Variants in AOAH observed in about 807,000 individuals in gnomAD.
The protein encoded by AOAH is acyloxyacyl hydrolase, also known as acyloxyacyl hydrolase (neutrophil).
A neutral mutation model predicts 92.2 loss-of-function variants in AOAH; 64 were observed. The ratio of observed to expected loss-of-function variants is 0.69; its 90% CI spans 0.57 to 0.86. The LOEUF (loss-of-function observed/expected upper bound fraction) is 0.86. AOAH is among the 40% of genes least tolerant of loss of function. The pLI, the probability that AOAH is intolerant of heterozygous loss-of-function variation, is 0.00. For synonymous variants in AOAH, 263 were observed against 254.5 expected (o/e 1.03, Z -0.32); for missense variants, 656 against 694.6 (o/e 0.94, Z 0.62).
intron 20 of AOAH, among the ~76,000 whole-genome samples, chr7:36,517,797 C>T (rs954452883): frequency 6.6e-6 from 1 of 151,674 alleles, no homozygotes; most frequent in Admixed American, 6.6e-5. Context: ...GATGGGGTTT[C>T]ACCATTATGG....
At chr7:36,517,931 CCACACACACACACCCACACACA>C (rs1562855011) in intron 20 of AOAH, among the ~76,000 whole-genome samples, 18 of 87,858 alleles carry the variant, frequency 2.0e-4, no homozygotes, top group East Asian at 5.3e-4. Context: ...ACACACACAC[CCACACACACACACCCACACACA>C]CACACACACA....
intron 20 of AOAH, among the ~76,000 whole-genome samples, chr7:36,513,930 TTTG>T (rs1790190513): frequency 6.6e-6 from 1 of 152,080 alleles, no homozygotes. Context: ...GTGTATGGAA[TTTG>T]TTTTTTCAGT....
At chr7:36,530,567 G>T in intron 18 of AOAH, 53 bp from the exon 19 acceptor site, 2 of 1,214,916 alleles carry the variant, frequency 1.6e-6, no homozygotes, top group Non-Finnish European at 2.4e-6. Context: ...TTTGGCTTTA[G>T]TGAGACAATT....
chr7:36,517,226 G>C (rs55933702), intron 20 of AOAH, among the ~76,000 whole-genome samples: 23 of 121,474 alleles, frequency 1.9e-4, no homozygotes, highest in South Asian at 2.7e-4. Flanking sequence ...CTTTCTTTCT[G>C]TCTCTCTCTC....
intron 4 of AOAH, among the ~76,000 whole-genome samples, chr7:36,654,473 T>C (rs1794763177): frequency 6.6e-6 from 1 of 152,168 alleles, no homozygotes; most frequent in Non-Finnish European, 1.5e-5. Context: ...TCAGGTGGGC[T>C]GTAGATGATG....
chr7:36,521,460 C>T (rs757526341), intron 20 of AOAH, among the ~76,000 whole-genome samples: 9 of 152,170 alleles, frequency 5.9e-5, no homozygotes, highest in Non-Finnish European at 1.3e-4. Context: ...GGACAGAGTC[C>T]CACCCTCTGG....
intron 20 of AOAH, among the ~76,000 whole-genome samples, chr7:36,517,934 CACACACACACCCA>C (rs1783894880): frequency 1.6e-5 from 1 of 61,104 alleles, no homozygotes; most frequent in South Asian, 5.3e-4. Context: ...CACACACCCA[CACACACACACCCA>C]CACACACACA....
At chr7:36,690,607 T>A (rs1234708678) in intron 1 of AOAH, among the ~76,000 whole-genome samples, 4 of 152,216 alleles carry the variant, frequency 2.6e-5, no homozygotes, top group South Asian at 2.1e-4. Flanking sequence ...CAGACTATTC[T>A]CTGGCTGCTA....
Position 36,513,895 on chromosome 7 carries a change from AGT to A in AOAH, c.1600-517_1600-516del, listed in dbSNP as rs71653002. On this transcript the variant is annotated intron_variant, in intron 20 of 20. Transcript: ENST00000617537. ...GACCCACAGAAACTGTGAGATCATA[AGT>A]GTGTATTGTGTTAAGCTGCTAAGTG... Among the ~76,000 whole-genome samples the A allele has an allele frequency of 8.8e-3, 1,346 of 152,352 alleles. 13 individuals carry two copies. The highest frequency in any genetic ancestry group is 0.031 in the African/African-American group (1,283 of 41,568).
intron 1 of AOAH, among the ~76,000 whole-genome samples, chr7:36,711,937 G>A (rs1798796426): frequency 6.6e-6 from 1 of 152,172 alleles, no homozygotes; most frequent in South Asian, 2.1e-4. Flanking sequence ...GGAGAACTAA[G>A]ATCAACCCTC....
chr7:36,634,612 T>G (rs535307386), intron 5 of AOAH, among the ~76,000 whole-genome samples: 9 of 152,184 alleles, frequency 5.9e-5, no homozygotes, highest in Non-Finnish European at 1.0e-4. Context: ...CTGAGGAGTT[T>G]TGTTTGCGGC....
intron 2 of AOAH, among the ~76,000 whole-genome samples, chr7:36,677,234 C>G (rs1796307985): frequency 6.6e-6 from 1 of 152,058 alleles, no homozygotes; most frequent in Admixed American, 6.5e-5. Context: ...TATTACAACT[C>G]AATAATAAAA....
At chr7:36,639,919 A>G (rs1374268097) in intron 4 of AOAH, among the ~76,000 whole-genome samples, 1 of 152,158 alleles carries the variant, frequency 6.6e-6, no homozygotes, top group Non-Finnish European at 1.5e-5. Flanking sequence ...GAGAGAACCA[A>G]TCTCATTTTA....
In AOAH at chr7:36,574,727, GTTATTTCTGTATA is replaced by G. The variant is rs953498259; in HGVS notation, c.1021+1834_1021+1846del. Among the ~76,000 whole-genome samples, 74 of 152,200 alleles carry G rather than the reference GTTATTTCTGTATA, an allele frequency of 4.9e-4. 2 individuals carry two copies. Among genetic ancestry groups the G allele is most frequent in the African/African-American group, 1.7e-3 (69 of 41,524 alleles). On this transcript the variant is annotated intron_variant, in intron 13 of 20. Transcript: ENST00000617537. ...TCAGTTTCTGTCGAGTTTTTTAAAG[GTTATTTCTGTATA>G]CAAATAAAATCATCAGGAAACAGAA...
chr7:36,538,263 T>C (rs1785210870), intron 16 of AOAH, among the ~76,000 whole-genome samples: 1 of 151,422 alleles, frequency 6.6e-6, no homozygotes, highest in African/African-American at 2.4e-5. Flanking sequence ...CTCGCCACAG[T>C]TGATCCACCC....
At chr7:36,712,894 G>C (rs1191915991) in intron 1 of AOAH, among the ~76,000 whole-genome samples, 6 of 152,142 alleles carry the variant, frequency 3.9e-5, no homozygotes, top group East Asian at 3.8e-4. Context: ...ATTTTAAAGA[G>C]CATCGAGGCT....
chr7:36,525,676 C>T (rs938436529), intron 19 of AOAH, among the ~76,000 whole-genome samples: 8 of 152,124 alleles, frequency 5.3e-5, no homozygotes, highest in African/African-American at 1.7e-4. Context: ...AAAGGAAATG[C>T]TTACTGGAAA....
intron 9 of AOAH, among the ~76,000 whole-genome samples, chr7:36,619,920 G>A (rs567444489): frequency 6.6e-6 from 1 of 152,268 alleles, no homozygotes; most frequent in African/African-American, 2.4e-5. Context: ...ATATCTTGAA[G>A]TTAGGGAATC....
intron 2 of AOAH, 32 bp from the exon 3 acceptor site, chr7:36,674,041 T>A: frequency 7.4e-7 from 1 of 1,348,570 alleles, no homozygotes; most frequent in Non-Finnish European, 1.1e-6. Context: ...ATTGAATATA[T>A]TTTTATTGCG....
Sources: allele counts gnomAD v4.1 joint callset (sites outside exome capture counted in the v4.1 genomes callset), GRCh38; gene constraint gnomAD v4.1.1; transcripts MANE v1.5; gene names NCBI Gene and HGNC (gene_info 2026-07-23, HGNC 2026-07-21).